Variants in DPYD observed in about 807,000 individuals in gnomAD.
The protein encoded by DPYD is dihydropyrimidine dehydrogenase, also known as dihydropyrimidine dehydrogenase [NADP(+)].
Under a neutral mutation model 116.2 loss-of-function variants are expected in DPYD, and 109 were observed. The observed-to-expected ratio is 0.94, with a 90% CI of 0.80 to 1.10. The LOEUF (loss-of-function observed/expected upper bound fraction) is 1.10. DPYD is among the 50% of genes least tolerant of loss of function. The probability of loss-of-function intolerance (pLI) is 0.00; values close to 1 mark genes in which losing one functional copy is unlikely to be tolerated. For synonymous variants in DPYD, 440 were observed against 432.0 expected, an observed-to-expected ratio of 1.02 and a Z score of -0.23; for missense variants, 1,302 against 1,254.5, an observed-to-expected ratio of 1.04 and a Z score of -0.57.
intron 12 of DPYD, among the ~76,000 whole-genome samples, chr1:97,534,181 G>A (rs530427430): frequency 6.6e-6 from 1 of 152,220 alleles, no homozygotes; most frequent in Admixed American, 6.5e-5. Flanking sequence ...ATACAACAGA[G>A]AACAAAACTG....
chr1:97,743,218 G>C (rs1163915835), intron 3 of DPYD, among the ~76,000 whole-genome samples: 1 of 152,062 alleles, frequency 6.6e-6, no homozygotes, highest in Admixed American at 6.6e-5. Flanking sequence ...ATGTTAATGA[G>C]GCAGGGCCAC....
chr1:97,630,614 A>G (rs537726856), intron 8 of DPYD, among the ~76,000 whole-genome samples: 1 of 152,150 alleles, frequency 6.6e-6, no homozygotes, highest in Admixed American at 6.6e-5. Context: ...CAGCTGTAGC[A>G]TTGACTTAGC....
chr1:97,150,572 C>T (rs1313123792), intron 20 of DPYD, among the ~76,000 whole-genome samples: 1 of 152,214 alleles, frequency 6.6e-6, no homozygotes, highest in Non-Finnish European at 1.5e-5. Flanking sequence ...TGGGCTCTCT[C>T]TGGGTTCTCC....
chr1:97,724,302 G>GT (rs1557910187), intron 4 of DPYD, among the ~76,000 whole-genome samples: 8 of 14,918 alleles, frequency 5.4e-4, no homozygotes, highest in African/African-American at 2.1e-3. Flanking sequence ...GTGGGGGGGG[G>GT]GGGGGGTGTG....
intron 6 of DPYD, among the ~76,000 whole-genome samples, chr1:97,695,661 C>T (rs1661255360): frequency 6.6e-6 from 1 of 151,270 alleles, no homozygotes; most frequent in Non-Finnish European, 1.5e-5. Context: ...GGTATCAGGT[C>T]GTGGAAGGGT....
intron 18 of DPYD, among the ~76,000 whole-genome samples, chr1:97,237,049 G>A (rs937623501): frequency 6.6e-6 from 1 of 151,810 alleles, no homozygotes; most frequent in African/African-American, 2.4e-5. Flanking sequence ...AGACCAGCCT[G>A]GCCAACATGG....
chr1:97,504,661 A>G (rs184845791), intron 13 of DPYD, among the ~76,000 whole-genome samples: 106 of 152,168 alleles, frequency 7.0e-4, no homozygotes, highest in African/African-American at 2.4e-3. Context: ...TCTCCTAAAG[A>G]GGAATATTAT....
chr1:97,485,989 A>G (rs916058449), intron 13 of DPYD, among the ~76,000 whole-genome samples: 1 of 152,184 alleles, frequency 6.6e-6, no homozygotes, highest in Non-Finnish European at 1.5e-5. Flanking sequence ...AGATTGGGAG[A>G]ATAAGTATGA....
At chr1:97,446,967 AG>A (rs1260516806) in intron 14 of DPYD, among the ~76,000 whole-genome samples, 1 of 152,130 alleles carries the variant, frequency 6.6e-6, no homozygotes, top group African/African-American at 2.4e-5. Flanking sequence ...AAACCTTGAA[AG>A]CCAAGCAGAA....
chr1:97,581,862 G>T (rs1388350164), intron 10 of DPYD, among the ~76,000 whole-genome samples: 1 of 151,888 alleles, frequency 6.6e-6, no homozygotes, highest in Non-Finnish European at 1.5e-5. Flanking sequence ...GGAAGTTCTT[G>T]TATGGAATCC....
chr1:97,582,510 A>G (rs147004558), intron 10 of DPYD, among the ~76,000 whole-genome samples: 2 of 152,194 alleles, frequency 1.3e-5, no homozygotes, highest in African/African-American at 4.8e-5. Flanking sequence ...TTTACTAAAC[A>G]GTTTTTTAAT....
At chr1:97,265,674 T>C (rs1333662435) in intron 18 of DPYD, among the ~76,000 whole-genome samples, 1 of 152,238 alleles carries the variant, frequency 6.6e-6, no homozygotes, top group African/African-American at 2.4e-5. Context: ...TTTTTTATTA[T>C]GTAGTGTATA....
chr1:97,553,618 T>C (rs1651481972), intron 11 of DPYD, among the ~76,000 whole-genome samples: 3 of 152,194 alleles, frequency 2.0e-5, no homozygotes, highest in South Asian at 4.1e-4. Flanking sequence ...TGCTTGCCAT[T>C]TCCTCTGAAG....
At chr1:97,758,377 G>T (rs1665379678) in intron 3 of DPYD, among the ~76,000 whole-genome samples, 1 of 149,654 alleles carries the variant, frequency 6.7e-6, no homozygotes. Flanking sequence ...AAAAAAAACA[G>T]TTTCATTTTA....
chr1:97,083,917 T>A (rs1236592530), intron 21 of DPYD, among the ~76,000 whole-genome samples: 1 of 152,188 alleles, frequency 6.6e-6, no homozygotes. Context: ...GTTCCAGATG[T>A]GCAATATCTT....
rs1675608049 is a variant in DPYD, at chr1:97,438,957, T to C, written c.1905+11102A>G. Among the ~76,000 whole-genome samples, 3 of 152,110 alleles carry C rather than the reference T, an allele frequency of 2.0e-5. No homozygotes were observed. In the South Asian group the frequency reaches 6.2e-4, roughly 31 times the overall value. ...GTGAAAGCAGATATCCTTATTTCAC[T>C]TAGGAGGAAAGCATACAGTCTTTCA... On this transcript the variant is annotated intron_variant, in intron 14 of 22. Coordinates refer to ENST00000370192, the MANE Select transcript of DPYD (RefSeq NM_000110.4).
Position 97,571,056 on chromosome 1 carries a change from T to C in DPYD, c.1339+2704A>G, listed in dbSNP as rs144651595. 1.9e-3 allele frequency among the ~76,000 whole-genome samples: 284 copies of C among 152,140 alleles called. 1 individual carries two copies. The highest frequency in any genetic ancestry group is 6.5e-3 in the African/African-American group (268 of 41,550). On this transcript the variant is annotated intron_variant, in intron 11 of 22. Transcript: ENST00000370192. ...ACTGTCTGGCACAGAGAAGTTCATTTATATGTCTTGAGGAATGAATGCACG... is the reference window on the plus strand; with the variant it reads ...ACTGTCTGGCACAGAGAAGTTCATTCATATGTCTTGAGGAATGAATGCACG...
chr1:97,415,396 C>A (rs868052152), intron 14 of DPYD, among the ~76,000 whole-genome samples: 2 of 152,138 alleles, frequency 1.3e-5, no homozygotes, highest in Non-Finnish European at 2.9e-5. Flanking sequence ...GGTGCAGTCT[C>A]GGCTCACTGC....
At chr1:97,746,277 T>A (rs1164963579) in intron 3 of DPYD, among the ~76,000 whole-genome samples, 2 of 152,158 alleles carry the variant, frequency 1.3e-5, no homozygotes, top group African/African-American at 4.8e-5. Context: ...CTAGTTTTAT[T>A]ACAATTTTAA....
Sources: gnomAD v4.1 joint callset for allele counts (sites outside exome capture counted in the v4.1 genomes callset) on GRCh38, gnomAD v4.1.1 for gene constraint, MANE v1.5 for transcripts, NCBI Gene and HGNC (gene_info 2026-07-23, HGNC 2026-07-21) for gene names.